The following STK38L variants were observed in gnomAD, a reference collection of about 807,000 sequenced individuals.
STK38L encodes serine/threonine-protein kinase 38-like.
A neutral mutation model predicts 59.7 loss-of-function variants in STK38L; 28 were observed. The ratio of observed to expected loss-of-function variants is 0.47; its 90% CI spans 0.35 to 0.64. The LOEUF (loss-of-function observed/expected upper bound fraction) is 0.64, where lower values mean the gene tolerates loss of function less well. Ranked by LOEUF, STK38L falls within the 30% of genes least tolerant of loss-of-function variation. The pLI, the probability that STK38L is intolerant of heterozygous loss-of-function variation, is 0.01. For missense variants in STK38L, 314 were observed against 555.8 expected, an observed-to-expected ratio of 0.56 and a Z score of 4.37; for synonymous variants, 162 against 176.8, an observed-to-expected ratio of 0.92 and a Z score of 0.66.
At chr12:27,294,440 G>A (rs1943964067) in intron 1 of STK38L, among the ~76,000 whole-genome samples, 1 of 150,804 alleles carries the variant, frequency 6.6e-6, no homozygotes, top group Non-Finnish European at 1.5e-5. Context: ...CCAGGAGGTG[G>A]AGGTTGCAGT....
chr12:27,288,535 G>A (rs1030414425), intron 1 of STK38L, among the ~76,000 whole-genome samples: 1 of 151,986 alleles, frequency 6.6e-6, no homozygotes, highest in Non-Finnish European at 1.5e-5. Flanking sequence ...CAGAGCCATA[G>A]TTTAAACCTG....
chr12:27,248,543 G>T (rs1166533662), intron 1 of STK38L, among the ~76,000 whole-genome samples: 1 of 152,198 alleles, frequency 6.6e-6, no homozygotes, highest in Non-Finnish European at 1.5e-5. Context: ...GCAGGTGAGC[G>T]GTGGGAGAGG....
chr12:27,268,828 G>A (rs1292068999), intron 1 of STK38L, among the ~76,000 whole-genome samples: 25 of 152,074 alleles, frequency 1.6e-4, no homozygotes, highest in Non-Finnish European at 3.1e-4. Flanking sequence ...GTGTGAGATG[G>A]TATCTCATTG....
intron 1 of STK38L, among the ~76,000 whole-genome samples, chr12:27,255,317 CT>C (rs1943069109): frequency 2.6e-5 from 4 of 152,188 alleles, no homozygotes. Flanking sequence ...CTGTGCTTTT[CT>C]GTACAAGTAA....
At chr12:27,248,225 C>A (rs893725606) in intron 1 of STK38L, among the ~76,000 whole-genome samples, 2 of 152,174 alleles carry the variant, frequency 1.3e-5, no homozygotes, top group Non-Finnish European at 2.9e-5. Flanking sequence ...AGTTTATTTT[C>A]ATGAATAGCT....
At chr12:27,264,291 A>G (rs572013201) in intron 1 of STK38L, among the ~76,000 whole-genome samples, 18 of 152,324 alleles carry the variant, frequency 1.2e-4, no homozygotes, top group Admixed American at 1.1e-3. Context: ...AATGTTACCA[A>G]CAGTGCCATT....
At chr12:27,266,189 C>T (rs1943297447) in intron 1 of STK38L, among the ~76,000 whole-genome samples, 1 of 152,126 alleles carries the variant, frequency 6.6e-6, no homozygotes, top group African/African-American at 2.4e-5. Flanking sequence ...TAAGTGTGTG[C>T]AAAGGTTTAC....
intron 1 of STK38L, among the ~76,000 whole-genome samples, chr12:27,254,751 G>GC (rs1943053364): frequency 6.6e-6 from 1 of 152,142 alleles, no homozygotes; most frequent in Non-Finnish European, 1.5e-5. Context: ...AAAGTGAAAG[G>GC]AACAGAAGGA....
chr12:27,263,168 T>C lies in STK38L; in HGVS notation c.-12+18836T>C, dbSNP rs373062531. 5.3e-5 allele frequency among the ~76,000 whole-genome samples: 8 copies of C among 152,294 alleles called. 1 individual carries two copies. The South Asian group carries it at 1.7e-3, about 32-fold the overall frequency. On this transcript the variant is annotated intron_variant, in intron 1 of 13. Transcript: ENST00000389032. ...GTTAGAAAATAAAGGATAATGTATATAGAAAGCTTTTTGAAGACTCTTAAG... is the reference window on the plus strand; with the variant it reads ...GTTAGAAAATAAAGGATAATGTATACAGAAAGCTTTTTGAAGACTCTTAAG...
chr12:27,308,074 T>C lies in STK38L; in HGVS notation c.187-265T>C, dbSNP rs949494492. The stretch of plus-strand genomic sequence containing the variant: ...TTTTATTTATGGAATTGTTACCATA[T>C]AGATGAAAGAATAAGTTATACATAT... On this transcript the variant is annotated intron_variant, in intron 3 of 13. Transcript: ENST00000389032. This position sits in a 1 kb window ranked among gnomAD's most constrained non-coding sequence, Gnocchi z 4.5. Among the ~76,000 whole-genome samples, 30 of 138,058 alleles carry C rather than the reference T, an allele frequency of 2.2e-4. No individual in the cohort carries two copies. Among genetic ancestry groups the C allele is most frequent in the African/African-American group, 8.2e-4 (30 of 36,648 alleles). 90.6% of individuals were successfully genotyped at this position (138,058 alleles called of 152,430 possible). A position where few individuals can be genotyped will look rare whatever the true frequency, so the allele number is the denominator to read the frequency against.
At chr12:27,304,943 AT>A (rs1349555655) in intron 3 of STK38L, among the ~76,000 whole-genome samples, 3 of 152,180 alleles carry the variant, frequency 2.0e-5, no homozygotes, top group African/African-American at 7.2e-5. Context: ...TTTTTAAAAA[AT>A]ATTATTTTCT....
intron 8 of STK38L, 81 bp downstream of exon 8, chr12:27,315,198 C>T (rs759528404): frequency 2.5e-6 from 4 of 1,570,008 alleles, no homozygotes; most frequent in Non-Finnish European, 3.5e-6. Flanking sequence ...TTCCCCACTC[C>T]TTAATCCACT....
At chr12:27,246,358 G>A (rs922273) in intron 1 of STK38L, among the ~76,000 whole-genome samples, 3 of 151,986 alleles carry the variant, frequency 2.0e-5, no homozygotes, top group African/African-American at 7.3e-5. Context: ...TTGTTAAGAG[G>A]GAGAAAGGGC....
intron 2 of STK38L, among the ~76,000 whole-genome samples, chr12:27,299,059 GACA>G (rs1162013861): frequency 2.6e-5 from 4 of 152,286 alleles, no homozygotes; most frequent in South Asian, 2.1e-4. Flanking sequence ...TTAGAATTGT[GACA>G]ACAACAACAG....
At chr12:27,246,939 A>G (rs1357093177) in intron 1 of STK38L, among the ~76,000 whole-genome samples, 2 of 152,136 alleles carry the variant, frequency 1.3e-5, no homozygotes, top group East Asian at 1.9e-4. Context: ...CTTCAAGGAG[A>G]TGTGATCCAG....
rs564561834 is a variant in STK38L at position 27,314,897 on chromosome 12, C to T, written c.673-118C>T. On this transcript the variant is annotated intron_variant, in intron 7 of 13. Coordinates refer to ENST00000389032, the MANE Select transcript of STK38L (RefSeq NM_015000.4). ...CAGATACTTAAAATTTTACATTTTA[C>T]GTGTATAAATCCCAAGCTAAGAATT... is the stretch of plus-strand genomic sequence containing the variant. 14 of 890,630 alleles carry T rather than the reference C, an allele frequency of 1.6e-5. No homozygotes were observed. In the Admixed American group the frequency reaches 2.5e-4, roughly 16 times the overall value. The allele number at this position is 890,630 out of a possible 1,614,324, so 55.2% of individuals were successfully genotyped here.
At chr12:27,277,346 T>C (rs945288648) in intron 1 of STK38L, among the ~76,000 whole-genome samples, 1 of 89,884 alleles carries the variant, frequency 1.1e-5, no homozygotes, top group African/African-American at 3.2e-5. Context: ...AAGACCTCCA[T>C]CTCAAAAAAC....
chr12:27,263,923 A>G (rs1943252835), intron 1 of STK38L, among the ~76,000 whole-genome samples: 1 of 152,240 alleles, frequency 6.6e-6, no homozygotes, highest in South Asian at 2.1e-4. Flanking sequence ...GAAATTGTGA[A>G]AAGTTTAGCA....
intron 6 of STK38L, 65 bp from the exon 7 acceptor site, chr12:27,314,439 T>C: frequency 7.8e-7 from 1 of 1,278,072 alleles, no homozygotes; most frequent in East Asian, 2.7e-5. Flanking sequence ...GCAGGAAAGC[T>C]TTTACAAGGT....
Sources: allele counts gnomAD v4.1 joint callset (sites outside exome capture counted in the v4.1 genomes callset), GRCh38; gene constraint gnomAD v4.1.1; non-coding constraint Gnocchi (gnomAD v3.1); transcripts MANE v1.5; gene names NCBI Gene and HGNC (gene_info 2026-07-23, HGNC 2026-07-21).